ASTN1: variants seen among roughly 807,000 people sequenced by gnomAD.
ASTN1 encodes astrotactin 1.
A neutral mutation model predicts 140.7 loss-of-function variants in ASTN1; 41 were observed. The ratio of observed to expected loss-of-function variants is 0.29; its 90% confidence interval spans 0.23 to 0.38. ASTN1 has a LOEUF of 0.38. Among genes scored for constraint, ASTN1 ranks in the 10% least tolerant of loss-of-function variants. The pLI is 1.00. For missense variants in ASTN1, 1,479 were observed against 1,678.8 expected (o/e 0.88, Z 2.08); for synonymous variants, 640 against 652.2 (o/e 0.98, Z 0.29).
chr1:176,871,418 CAGTCCACACGCCAGGCCCTGGTTGTGGT>C (rs1668339306), intron 21 of ASTN1, among the ~76,000 whole-genome samples: 1 of 152,172 alleles, frequency 6.6e-6, no homozygotes, highest in Non-Finnish European at 1.5e-5. Context: ...TAAGAAAGAA[CAGTCCACACGCCAGGCCCTGGTTGTGGT>C]AGTCTTTGCG....
intron 19 of ASTN1, among the ~76,000 whole-genome samples, chr1:176,883,408 A>T (rs1312162459): frequency 6.6e-6 from 1 of 151,904 alleles, no homozygotes; most frequent in Non-Finnish European, 1.5e-5. Flanking sequence ...GTTGGTCAGG[A>T]TGGTCTCGAA....
chr1:176,961,940 T>C (rs1336010412), intron 9 of ASTN1, among the ~76,000 whole-genome samples: 1 of 152,208 alleles, frequency 6.6e-6, no homozygotes, highest in Non-Finnish European at 1.5e-5. Context: ...TGTGTTCAAC[T>C]AGAGCTAGAA....
At chr1:177,055,893 C>CA (rs1412606515) in intron 2 of ASTN1, among the ~76,000 whole-genome samples, 1 of 152,090 alleles carries the variant, frequency 6.6e-6, no homozygotes, top group Non-Finnish European at 1.5e-5. Flanking sequence ...AAGGCGCTGA[C>CA]AAAAAAGACA....
downstream of ASTN1, among the ~76,000 whole-genome samples, chr1:176,859,222 CTCT>C (rs1430513330): frequency 7.9e-5 from 12 of 152,138 alleles, no homozygotes; most frequent in Non-Finnish European, 4.4e-5. Flanking sequence ...TGGAACAATT[CTCT>C]TCTTCTCCTG....
At chr1:176,905,602 C>A (rs1669952831) in intron 16 of ASTN1, among the ~76,000 whole-genome samples, 2 of 152,086 alleles carry the variant, frequency 1.3e-5, no homozygotes, top group African/African-American at 4.8e-5. Flanking sequence ...CTTTGCCTCA[C>A]TGAAATTTAT....
chr1:176,914,392 A>C (rs1037809818), intron 16 of ASTN1, among the ~76,000 whole-genome samples: 6 of 152,238 alleles, frequency 3.9e-5, no homozygotes, highest in African/African-American at 1.4e-4. Flanking sequence ...AGTTAGAAAC[A>C]GTGTAAATTA....
At chr1:177,027,410 C>T (rs764825181) in intron 5 of ASTN1, among the ~76,000 whole-genome samples, 7 of 151,882 alleles carry the variant, frequency 4.6e-5, no homozygotes, top group Non-Finnish European at 8.8e-5. Context: ...GCATCATCGA[C>T]CCATAATCCA....
intron 8 of ASTN1, among the ~76,000 whole-genome samples, chr1:176,980,117 G>A (rs1321068600): frequency 6.6e-6 from 1 of 152,168 alleles, no homozygotes; most frequent in Non-Finnish European, 1.5e-5. Context: ...GCAAGAAGTG[G>A]CTGACTGGGG....
At chr1:176,938,061 G>C (rs1403645265) in intron 14 of ASTN1, among the ~76,000 whole-genome samples, 1 of 152,162 alleles carries the variant, frequency 6.6e-6, no homozygotes, top group Non-Finnish European at 1.5e-5. Flanking sequence ...TTTTATCTTA[G>C]GCAATCAAAG....
chr1:176,931,181 AAG>A (rs1671190513), intron 16 of ASTN1, among the ~76,000 whole-genome samples: 1 of 152,218 alleles, frequency 6.6e-6, no homozygotes, highest in Non-Finnish European at 1.5e-5. Context: ...CAAACTAAGA[AAG>A]AAGCTGGGCA....
At chr1:177,032,373 G>A in intron 3 of ASTN1, 83 bp downstream of exon 3, 1 of 1,528,468 alleles carries the variant, frequency 6.5e-7, no homozygotes, top group Non-Finnish European at 8.9e-7. Context: ...ACAACCAGCT[G>A]TTGTCACACA....
At chr1:177,116,413 T>C (rs1051954937) in intron 1 of ASTN1, among the ~76,000 whole-genome samples, 10 of 152,358 alleles carry the variant, frequency 6.6e-5, no homozygotes, top group Middle Eastern at 3.4e-3. Context: ...ACTTTTTCTA[T>C]ACTATGGACA....
At chr1:176,958,861 A>G (rs1036955227) in intron 9 of ASTN1, among the ~76,000 whole-genome samples, 4 of 152,200 alleles carry the variant, frequency 2.6e-5, no homozygotes, top group Non-Finnish European at 4.4e-5. Context: ...CCATGGCTGC[A>G]CACCCACAGT....
Position 176,894,704 on chromosome 1 carries a change from C to T in ASTN1, c.2798G>A (p.Cys933Tyr), listed in dbSNP as rs757636686. ...KHMAAGVRME[C>Y]HSKGRCPSSC... The stretch of plus-strand genomic sequence containing the variant: ...CGAGGGGCATCGTCCCTTGCTGTGG[C>T]ACTCCATGCGGACTCCAGCCGCCAT... Residue 933 changes from cysteine to tyrosine, a missense_variant, in exon 17 of 23, where the codon TGC (cysteine) becomes TAC (tyrosine). Physicochemically the swap from Cys to Tyr is radical, Grantham distance 194. Around this residue, in one of 3 missense-constraint regions of ASTN1, gnomAD observed 746 missense variants for 800.9 expected, o/e 0.93. Coordinates refer to ENST00000361833, the MANE Select transcript of ASTN1 (RefSeq NM_004319.3). 6.8e-6 allele frequency: 11 copies of T among 1,614,150 alleles called. No individual in the cohort carries two copies. In the East Asian group the frequency reaches 2.2e-4, roughly 33 times the overall value.
In ASTN1 at chr1:176,943,532, T is replaced by C. The variant is rs981965798; in HGVS notation, c.2377+359A>G. On this transcript the variant is annotated intron_variant, in intron 14 of 22. Transcript: ENST00000361833. Reference sequence around the variant, plus strand: ...CCAGGAAACCCAACAGTAGCAATGATGGATATTTAGGTGAGAGTAGCAATC... The same window carrying C: ...CCAGGAAACCCAACAGTAGCAATGACGGATATTTAGGTGAGAGTAGCAATC... Among the ~76,000 whole-genome samples the C allele has an allele frequency of 2.0e-5, 3 of 152,172 alleles. No individual in the cohort carries two copies. In the East Asian group the frequency reaches 5.8e-4, roughly 29 times the overall value.
chr1:176,928,135 A>G (rs1671049175), intron 16 of ASTN1, among the ~76,000 whole-genome samples: 2 of 151,604 alleles, frequency 1.3e-5, no homozygotes, highest in Non-Finnish European at 2.9e-5. Flanking sequence ...ATATGTATTT[A>G]TAATTTTACA....
chr1:176,963,812 GA>G (rs1383535203), intron 9 of ASTN1, among the ~76,000 whole-genome samples: 1 of 152,178 alleles, frequency 6.6e-6, no homozygotes, highest in African/African-American at 2.4e-5. Flanking sequence ...AGGAAAAAGA[GA>G]AAAAGTCAGC....
intron 1 of ASTN1, among the ~76,000 whole-genome samples, chr1:177,144,411 CCCGG>C (rs1228234957): frequency 2.2e-4 from 33 of 148,652 alleles, no homozygotes; most frequent in South Asian, 6.4e-4. Flanking sequence ...AGCCACCGCG[CCCGG>C]CTAGTTTTTT....
chr1:176,860,715 T>C (rs1193906036), downstream of ASTN1, among the ~76,000 whole-genome samples: 2 of 152,292 alleles, frequency 1.3e-5, no homozygotes, highest in Non-Finnish European at 2.9e-5. Flanking sequence ...TGGTGACAAG[T>C]TCAATGCCTA....
Sources: allele counts gnomAD v4.1 joint callset (sites outside exome capture counted in the v4.1 genomes callset), GRCh38; gene constraint gnomAD v4.1.1; regional missense constraint gnomAD v4.1.1; transcripts MANE v1.5; gene names NCBI Gene and HGNC (gene_info 2026-07-23, HGNC 2026-07-21).